CLASRP: variants seen among roughly 807,000 people sequenced by gnomAD.
CLASRP encodes CLK4 associating serine/arginine rich protein.
In CLASRP, 52 loss-of-function variants were observed where a neutral mutation model predicts 99.9. That is an observed-to-expected ratio of 0.52 (90% CI 0.42 to 0.66). CLASRP has a LOEUF of 0.66. Ranked by LOEUF, CLASRP falls within the 30% of genes least tolerant of loss-of-function variation. CLASRP has a pLI of 0.00. For synonymous variants in CLASRP, 379 were observed against 373.0 expected (o/e 1.02, Z -0.18); for missense variants, 848 against 999.2 (o/e 0.85, Z 2.04).
In CLASRP at chr19:45,067,898, G is replaced by T; in HGVS notation, c.1668-117G>T. 1 of 797,890 alleles carries T rather than the reference G, an allele frequency of 1.3e-6. No individual in the cohort carries two copies. Among genetic ancestry groups the T allele is most frequent in the Non-Finnish European group, 2.2e-6 (1 of 453,546 alleles). The allele number at this position is 797,890 out of a possible 1,614,324, so 49.4% of individuals were successfully genotyped here. On this transcript the variant is annotated intron_variant, in intron 14 of 20. Coordinates refer to ENST00000221455, the MANE Select transcript of CLASRP (RefSeq NM_007056.3). This position sits in a 1 kb window ranked among gnomAD's most constrained non-coding sequence, Gnocchi z 4.9. ...GAGAGGGACATGGTTGCACCCTGGGGCATCTGAGGCCCATGCCTTGGCTAC... is the reference window on the plus strand; with the variant it reads ...GAGAGGGACATGGTTGCACCCTGGGTCATCTGAGGCCCATGCCTTGGCTAC...
intron 2 of CLASRP, among the ~76,000 whole-genome samples, chr19:45,050,207 T>TGGGGGGGGGGGGGGGGGG (rs1971996651): frequency 2.5e-5 from 1 of 39,478 alleles, no homozygotes; most frequent in Non-Finnish European, 4.7e-5. Flanking sequence ...GGGAGTGGGG[T>TGGGGGGGGGGGGGGGGGG]GGGGGGTGGG....
intron 18 of CLASRP, 123 bp from the exon 19 acceptor site, chr19:45,069,899 G>T: frequency 1.6e-6 from 1 of 619,602 alleles, no homozygotes. Context: ...AGCGGGGATT[G>T]GTGGCAGTAC....
intron 2 of CLASRP, among the ~76,000 whole-genome samples, chr19:45,051,836 C>T (rs1452908002): frequency 6.6e-6 from 1 of 151,952 alleles, no homozygotes; most frequent in Non-Finnish European, 1.5e-5. Context: ...GGCATGGTGG[C>T]GGGCGCCTGT....
chr19:45,056,560 G>T (rs774884926), intron 6 of CLASRP, 26 bp downstream of exon 6: 1 of 1,597,862 alleles, frequency 6.3e-7, no homozygotes, highest in East Asian at 2.2e-5. Context: ...GGGTGCAGGG[G>T]GTTGAGGAGG....
chr19:45,063,296 C>T (rs2122590293), intron 11 of CLASRP, among the ~76,000 whole-genome samples: 1 of 151,922 alleles, frequency 6.6e-6, no homozygotes, highest in East Asian at 1.9e-4. Context: ...CATGAGCCAT[C>T]ACACCTGGCC....
At chr19:45,052,305 C>T (rs1320387023) in intron 3 of CLASRP, 137 bp downstream of exon 3, 1 of 685,396 alleles carries the variant, frequency 1.5e-6, no homozygotes, top group African/African-American at 1.8e-5. Context: ...GTGTGACCCG[C>T]ATATGAAGGT....
At chr19:45,042,139 T>C (rs1029865537) in intron 2 of CLASRP, among the ~76,000 whole-genome samples, 1 of 152,184 alleles carries the variant, frequency 6.6e-6, no homozygotes, top group Non-Finnish European at 1.5e-5. Flanking sequence ...GTCAAGAGTT[T>C]GAGACCAGCC....
chr19:45,040,004 G>A (rs186475970), intron 1 of CLASRP, 180 bp from the exon 2 acceptor site: 3 of 452,494 alleles, frequency 6.6e-6, no homozygotes, highest in Middle Eastern at 6.5e-4. Context: ...CTTCTAGATC[G>A]AAGTTGTTAG....
In CLASRP at chr19:45,069,009, A is replaced by G; in HGVS notation, c.1769-57A>G. 3 of 1,473,972 alleles carry G rather than the reference A, an allele frequency of 2.0e-6. No homozygotes were observed. In the South Asian group the frequency reaches 3.6e-5, roughly 18 times the overall value. The allele number at this position is 1,473,972 out of a possible 1,614,324, so 91.3% of individuals were successfully genotyped here. On this transcript the variant is annotated intron_variant, in intron 16 of 20. Coordinates refer to ENST00000221455, the MANE Select transcript of CLASRP (RefSeq NM_007056.3). ...TGTCTCAAAAAAAAAAAAAAAGAAA[A>G]AAGAGAGTGGGGCTCTTAAGGGAAC...
intron 11 of CLASRP, 76 bp from the exon 12 acceptor site, chr19:45,063,924 CTGGCGCTGCTGT>C: frequency 6.8e-7 from 1 of 1,481,070 alleles, no homozygotes; most frequent in Non-Finnish European, 9.0e-7. Context: ...GTGGCCCGCG[CTGGCGCTGCTGT>C]TGATCTGCTG....
chr19:45,068,896 C>T (rs1360283231), intron 16 of CLASRP, among the ~76,000 whole-genome samples, 170 bp from the exon 17 acceptor site: 1 of 151,580 alleles, frequency 6.6e-6, no homozygotes, highest in Non-Finnish European at 1.5e-5. Context: ...GAGGCTGAGG[C>T]AGGAGATGGC....
Position 45,067,567 on chromosome 19 carries a change from C to T in CLASRP, c.1640C>T (p.Ser547Phe). The change falls in exon 14 of 21, where the codon TCC becomes TTC. Residue 547 changes from serine (S) to phenylalanine (F), a missense_variant. Coordinates refer to ENST00000221455, the MANE Select transcript of CLASRP (RefSeq NM_007056.3). The surrounding 1 kb of genome is among the most constrained non-coding windows in gnomAD (Gnocchi z 4.9). ...GAGAAGCTGACCAGGCCGGCCGCGT[C>T]CCCTGCTGTGGGCGAGAAGCTGAAA... ...AREKLTRPAA[S>F]PAVGEKLKKT... 1 of 1,603,142 alleles carries T rather than the reference C, an allele frequency of 6.2e-7. No homozygotes were observed. The highest frequency in any genetic ancestry group is 8.5e-7 in the Non-Finnish European group (1 of 1,176,984).
At chr19:45,039,442 C>G (rs1971769690) in intron 1 of CLASRP, 1 of 152,330 alleles carries the variant, frequency 6.6e-6, no homozygotes, top group Non-Finnish European at 1.5e-5. Flanking sequence ...CTTCGGTCTC[C>G]GCCCTTTCCC....
chr19:45,061,663 G>A (rs779458175), intron 10 of CLASRP, among the ~76,000 whole-genome samples: 6 of 151,964 alleles, frequency 3.9e-5, no homozygotes, highest in Non-Finnish European at 5.9e-5. Flanking sequence ...TAGTAGAGAT[G>A]GGGTTTTGCG....
At chr19:45,063,329 A>G (rs904207685) in intron 11 of CLASRP, among the ~76,000 whole-genome samples, 1 of 151,888 alleles carries the variant, frequency 6.6e-6, no homozygotes, top group Admixed American at 6.6e-5. Context: ...TTTTACTAAA[A>G]TAGAATTGCA....
chr19:45,068,307 GT>G (rs1967141194), intron 15 of CLASRP, 112 bp from the exon 16 acceptor site: 1 of 662,948 alleles, frequency 1.5e-6, no homozygotes, highest in Non-Finnish European at 2.8e-6. Context: ...TCCCCACGTC[GT>G]TCTCCCCCCC....
chr19:45,047,294 T>C (rs925025910), intron 2 of CLASRP, among the ~76,000 whole-genome samples: 1 of 151,552 alleles, frequency 6.6e-6, no homozygotes. Context: ...TATTGTATGA[T>C]CCGCTGATAA....
chr19:45,044,878 C>T (rs1971886351), intron 2 of CLASRP, among the ~76,000 whole-genome samples: 1 of 152,120 alleles, frequency 6.6e-6, no homozygotes, highest in African/African-American at 2.4e-5. Flanking sequence ...TCTAGCGATC[C>T]CACTTATCTA....
chr19:45,048,952 C>T (rs1412611824), intron 2 of CLASRP, among the ~76,000 whole-genome samples: 1 of 152,196 alleles, frequency 6.6e-6, no homozygotes, highest in Non-Finnish European at 1.5e-5. Context: ...CGCCATTGCA[C>T]TCCAGCCTGG....
Sources: gnomAD v4.1 joint callset for allele counts (sites outside exome capture counted in the v4.1 genomes callset) on GRCh38, gnomAD v4.1.1 for gene constraint, Gnocchi (gnomAD v3.1) non-coding constraint, MANE v1.5 for transcripts, NCBI Gene and HGNC (gene_info 2026-07-23, HGNC 2026-07-21) for gene names.